The following REXO1 variants were observed in gnomAD, a reference collection of about 807,000 sequenced individuals.
REXO1 encodes RNA exonuclease 1 homolog.
In REXO1, 42 loss-of-function variants were observed where a neutral mutation model predicts 102.6. The ratio of observed to expected loss-of-function variants is 0.41; its 90% CI spans 0.32 to 0.53. The LOEUF (loss-of-function observed/expected upper bound fraction) is 0.53, where lower values mean the gene tolerates loss of function less well. Ranked by LOEUF, REXO1 falls within the 20% of genes least tolerant of loss-of-function variation. The pLI, the probability that REXO1 is intolerant of heterozygous loss-of-function variation, is 0.27. For synonymous variants in REXO1, 908 were observed against 779.1 expected, an observed-to-expected ratio of 1.17 and a Z score of -2.76; for missense variants, 1,819 against 1,732.5, an observed-to-expected ratio of 1.05 and a Z score of -0.89.
rs752456754 is a variant in REXO1, at chr19:1,815,759, TGGCAGGAGG to T, written c.*298_*306del. On this transcript the variant is annotated 3_prime_UTR_variant, in exon 16 of 16. Transcript: ENST00000170168. The surrounding 1 kb of genome is among the most constrained non-coding windows in gnomAD (Gnocchi z 4.0). ...CGGCCACCACCCGGGAGGGAGGGCC[TGGCAGGAGG>T]GGCAGGAGGGGCTGCGGGCCGGGTG... The T allele has an allele frequency of 3.1e-5, 44 of 1,428,396 alleles. No homozygotes were observed. Among genetic ancestry groups the T allele is most frequent in the East Asian group, 1.1e-4 (4 of 38,080 alleles). 88.5% of individuals were successfully genotyped at this position (1,428,396 alleles called of 1,614,324 possible).
chr19:1,836,743 C>CA (rs1185957602), intron 1 of REXO1, among the ~76,000 whole-genome samples: 30,688 of 64,234 alleles, frequency 0.48, 7,590 homozygotes, highest in Non-Finnish European at 0.58. Flanking sequence ...AAGACTGTCT[C>CA]AAAAAAAAAA....
intron 3 of REXO1, 62 bp from the exon 4 acceptor site, chr19:1,823,847 C>T (rs969835468): frequency 5.4e-5 from 44 of 807,466 alleles, no homozygotes; most frequent in Middle Eastern, 4.1e-4. Flanking sequence ...CAGGCGACCC[C>T]GGGCAGGCTT....
chr19:1,820,172 C>G, intron 6 of REXO1, 92 bp downstream of exon 6: 2 of 1,560,054 alleles, frequency 1.3e-6, no homozygotes, highest in Non-Finnish European at 1.7e-6. Flanking sequence ...CTCCGGGTCA[C>G]AGCTGCGGCT....
intron 1 of REXO1, among the ~76,000 whole-genome samples, chr19:1,847,878 G>A (rs931675581): frequency 2.0e-4 from 31 of 152,270 alleles, no homozygotes; most frequent in African/African-American, 6.3e-4. Flanking sequence ...CCTAGCGCCG[G>A]CCGCGCCCGT....
chr19:1,831,577 T>C (rs2069902440), intron 1 of REXO1, among the ~76,000 whole-genome samples: 1 of 151,596 alleles, frequency 6.6e-6, no homozygotes, highest in African/African-American at 2.4e-5. Flanking sequence ...TTGTGGTGGC[T>C]CACACCTGTA....
chr19:1,828,229 C>T lies in REXO1; in HGVS notation c.560G>A (p.Arg187Lys). The change falls in exon 2 of 16, where the codon AGG (arginine) becomes AAG (lysine). Residue 187 changes from arginine to lysine, a missense_variant. Arg to Lys is a conservative substitution (Grantham distance 26). Coordinates refer to ENST00000170168, the MANE Select transcript of REXO1 (RefSeq NM_020695.4). ...GSKYSLASLD[R>K]GQGRGGGGGG... Reference sequence around the variant, plus strand: ...ACCCCCTCCACCTCTGCCCTGACCCCTGTCCAGGGACGCCAGCGAGTACTT... The same window carrying T: ...ACCCCCTCCACCTCTGCCCTGACCCTTGTCCAGGGACGCCAGCGAGTACTT... The T allele has an allele frequency of 6.2e-7, 1 of 1,606,966 alleles. No individual in the cohort carries two copies. Among genetic ancestry groups the T allele is most frequent in the South Asian group, 1.1e-5 (1 of 90,736 alleles).
rs748055547 is a variant in REXO1 at position 1,826,856 on chromosome 19, C to T, written c.1911+22G>A. On this transcript the variant is annotated intron_variant, in intron 2 of 15. Coordinates refer to ENST00000170168, the MANE Select transcript of REXO1 (RefSeq NM_020695.4). The surrounding 1 kb of genome is among the most constrained non-coding windows in gnomAD (Gnocchi z 4.3). The stretch of plus-strand genomic sequence containing the variant: ...CGGCTCTGCCTCTGCCCGAGCCCAG[C>T]CCCAGCACCCGCGCGCCTCACCTGC... 1 of 1,559,734 alleles carries T rather than the reference C, an allele frequency of 6.4e-7. No individual in the cohort carries two copies. Among genetic ancestry groups the T allele is most frequent in the Non-Finnish European group, 8.7e-7 (1 of 1,153,422 alleles).
chr19:1,836,078 CAAACCTTCCCTTGGCCCAG>C (rs1442529879), intron 1 of REXO1, among the ~76,000 whole-genome samples: 1 of 152,200 alleles, frequency 6.6e-6, no homozygotes, highest in African/African-American at 2.4e-5. Context: ...TCCTGGCCCC[CAAACCTTCCCTTGGCCCAG>C]AAACCCCTCA....
intron 1 of REXO1, among the ~76,000 whole-genome samples, chr19:1,832,073 C>T (rs955516501): frequency 1.3e-5 from 2 of 152,080 alleles, no homozygotes; most frequent in East Asian, 1.9e-4. Context: ...TTGCATTATC[C>T]GGGAACCCAG....
At chr19:1,821,762 G>C in intron 4 of REXO1, 80 bp from the exon 5 acceptor site, 1 of 1,354,738 alleles carries the variant, frequency 7.4e-7, no homozygotes, top group Non-Finnish European at 1.0e-6. Flanking sequence ...AGCCGCGGCC[G>C]CTCAGCGCCA....
chr19:1,840,742 C>G (rs1258812200), intron 1 of REXO1, among the ~76,000 whole-genome samples: 1 of 152,244 alleles, frequency 6.6e-6, no homozygotes, highest in African/African-American at 2.4e-5. Context: ...GGGCCCACCC[C>G]ACATCACCCC....
chr19:1,825,312 A>AC (rs1235721359), intron 3 of REXO1, among the ~76,000 whole-genome samples: 2 of 140,370 alleles, frequency 1.4e-5, no homozygotes, highest in South Asian at 2.2e-4. Flanking sequence ...AAAAAAAAAA[A>AC]AAAAAAAAAA....
intron 12 of REXO1, 22 bp from the exon 13 acceptor site, chr19:1,816,835 C>T: frequency 3.8e-6 from 6 of 1,558,866 alleles, no homozygotes; most frequent in Admixed American, 1.7e-5. Context: ...GGATGCACCT[C>T]AGATGTGTCC....
chr19:1,834,941 C>T, intron 1 of REXO1: 1 of 431,898 alleles, frequency 2.3e-6, no homozygotes, highest in Non-Finnish European at 4.7e-6. Context: ...CCCCACCCTG[C>T]AGCCTGTGAC....
chr19:1,836,358 G>A (rs1408873565), intron 1 of REXO1, among the ~76,000 whole-genome samples: 1 of 152,174 alleles, frequency 6.6e-6, no homozygotes, highest in Admixed American at 6.5e-5. Flanking sequence ...CAAAGATGAG[G>A]ACACCCAGTG....
At chr19:1,823,934 G>C in intron 3 of REXO1, 149 bp from the exon 4 acceptor site, 1 of 398,854 alleles carries the variant, frequency 2.5e-6, no homozygotes, top group East Asian at 3.6e-5. Flanking sequence ...GCACACTGGG[G>C]GGAAGCAGCA....
At chr19:1,825,219 A>C (rs1280752003) in intron 3 of REXO1, among the ~76,000 whole-genome samples, 1 of 144,970 alleles carries the variant, frequency 6.9e-6, no homozygotes, top group Non-Finnish European at 1.5e-5. Flanking sequence ...AAAATCACTT[A>C]AGCCCGGGAG....
In REXO1 at chr19:1,823,665, C is replaced by CGG; in HGVS notation, c.2135_2136dup (p.Ala713ProfsTer59). On this transcript the variant is annotated frameshift_variant, in exon 4 of 16. Coordinates refer to ENST00000170168, the MANE Select transcript of REXO1 (RefSeq NM_020695.4). LOFTEE classifies it high-confidence loss of function. The stretch of plus-strand genomic sequence containing the variant: ...GAGGGCGACTTCTCTGCCAGCCTGG[C>CGG]GGGGGCCTGCAGCAAGCTCGCCGAT... The CGG allele has an allele frequency of 1.5e-6, 2 of 1,293,788 alleles. No individual in the cohort carries two copies. Among genetic ancestry groups the CGG allele is most frequent in the Non-Finnish European group, 2.0e-6 (2 of 1,012,952 alleles). 80.1% of individuals were successfully genotyped at this position (1,293,788 alleles called of 1,614,324 possible). A position where few individuals can be genotyped will look rare whatever the true frequency, so the allele number is the denominator to read the frequency against.
At chr19:1,834,391 CT>C (rs2069983333) in intron 1 of REXO1, among the ~76,000 whole-genome samples, 1 of 152,116 alleles carries the variant, frequency 6.6e-6, no homozygotes, top group African/African-American at 2.4e-5. Context: ...GGGACGTGGG[CT>C]TGTCTTTCTA....
Sources: gnomAD v4.1 joint callset for allele counts (sites outside exome capture counted in the v4.1 genomes callset) on GRCh38, gnomAD v4.1.1 for gene constraint, Gnocchi (gnomAD v3.1) non-coding constraint, MANE v1.5 for transcripts, NCBI Gene and HGNC (gene_info 2026-07-23, HGNC 2026-07-21) for gene names.